Variants in PLCB1 observed in about 807,000 individuals in gnomAD.
The protein encoded by PLCB1 is 1-phosphatidylinositol 4,5-bisphosphate phosphodiesterase beta-1.
Under a neutral mutation model 161.8 loss-of-function variants are expected in PLCB1, and 46 were observed. That is an observed-to-expected ratio of 0.28 (90% confidence interval 0.22 to 0.36). PLCB1 has a LOEUF of 0.36. Among genes scored for constraint, PLCB1 ranks in the 10% least tolerant of loss-of-function variants. The pLI is 1.00. For synonymous variants in PLCB1, 517 were observed against 503.7 expected (o/e 1.03, Z -0.35); for missense variants, 1,016 against 1,472.5 (o/e 0.69, Z 5.07).
In PLCB1 at chr20:8,756,545, C is replaced by T. The variant is rs568692801; in HGVS notation, c.2524-501C>T. ...CCAGACCAGACTCATAGACTCAGCT[C>T]ATCTCAGCCGGGTTCACTCAAGTGT... On this transcript the variant is annotated intron_variant, in intron 23 of 31. Coordinates refer to ENST00000338037, the MANE Select transcript of PLCB1 (RefSeq NM_015192.4). Among the ~76,000 whole-genome samples the T allele has an allele frequency of 5.3e-5, 8 of 152,300 alleles. No homozygotes were observed. The South Asian group carries it at 1.5e-3, about 28-fold the overall frequency.
intron 28 of PLCB1, 32 bp from the exon 29 acceptor site, chr20:8,788,601 T>C (rs1306424190): frequency 6.3e-7 from 1 of 1,595,672 alleles, no homozygotes; most frequent in Admixed American, 1.7e-5. Flanking sequence ...GATTTGCCTC[T>C]TTTTTCTCTT....
At chr20:8,807,432 G>GA (rs1406888367) in intron 31 of PLCB1, among the ~76,000 whole-genome samples, 27 of 152,050 alleles carry the variant, frequency 1.8e-4, no homozygotes, top group Non-Finnish European at 3.1e-4. Flanking sequence ...TCTTGTCACG[G>GA]AAAAAATGAA....
intron 3 of PLCB1, among the ~76,000 whole-genome samples, chr20:8,461,414 TA>T (rs774055920): frequency 2.0e-5 from 3 of 152,174 alleles, no homozygotes; most frequent in Non-Finnish European, 4.4e-5. Context: ...TTAATCCCTC[TA>T]AGCATCAATT....
At chr20:8,643,679 G>A (rs1001446133) in intron 4 of PLCB1, among the ~76,000 whole-genome samples, 2 of 151,926 alleles carry the variant, frequency 1.3e-5, no homozygotes, top group Admixed American at 6.6e-5. Context: ...CACGAGGTCG[G>A]GAGATCGAGA....
chr20:8,313,748 C>A (rs971905631), intron 2 of PLCB1, among the ~76,000 whole-genome samples: 2 of 151,168 alleles, frequency 1.3e-5, no homozygotes, highest in East Asian at 3.9e-4. Context: ...TGACCTTTCT[C>A]ATTTTGAACA....
At position 8,577,195 on chromosome 20, in the gene PLCB1, T is replaced by C. The variant is rs541477954; in HGVS notation, c.247-51099T>C. On this transcript the variant is annotated intron_variant, in intron 3 of 31. Transcript: ENST00000338037. ...CTGTAATCCCAGCACTTTGGGAGGC[T>C]GAGGCGGGCGGATCACGAGGTTGGG... Among the ~76,000 whole-genome samples, 8 of 151,748 alleles carry C rather than the reference T, an allele frequency of 5.3e-5. No homozygotes were observed. In the East Asian group the frequency reaches 9.7e-4, roughly 18 times the overall value.
intron 31 of PLCB1, among the ~76,000 whole-genome samples, chr20:8,800,727 C>T (rs1480015382): frequency 9.3e-6 from 1 of 107,230 alleles, no homozygotes; most frequent in Non-Finnish European, 2.3e-5. Flanking sequence ...AAGAAAAAAG[C>T]TTACTCTTAG....
At chr20:8,734,707 T>C (rs1362083707) in intron 19 of PLCB1, among the ~76,000 whole-genome samples, 1 of 152,170 alleles carries the variant, frequency 6.6e-6, no homozygotes, top group Non-Finnish European at 1.5e-5. Flanking sequence ...ATCAATTTTT[T>C]AGAATACATT....
intron 31 of PLCB1, among the ~76,000 whole-genome samples, chr20:8,828,389 A>G (rs1315921729): frequency 3.3e-5 from 5 of 152,248 alleles, no homozygotes; most frequent in African/African-American, 1.2e-4. Flanking sequence ...CTTGACAGCA[A>G]TGCCAATTAT....
chr20:8,226,799 T>G (rs1022921117), intron 2 of PLCB1, among the ~76,000 whole-genome samples: 3 of 151,872 alleles, frequency 2.0e-5, no homozygotes, highest in African/African-American at 7.3e-5. Flanking sequence ...GTGATTCTCC[T>G]GCATCAGCCT....
chr20:8,313,136 T>A (rs1430048057), intron 2 of PLCB1, among the ~76,000 whole-genome samples: 5 of 152,174 alleles, frequency 3.3e-5, no homozygotes, highest in African/African-American at 1.2e-4. Context: ...TTTTTTAATA[T>A]AATGGGATGC....
chr20:8,751,249 T>G (rs1456940065), intron 23 of PLCB1: 5 of 180,244 alleles, frequency 2.8e-5, no homozygotes, highest in Admixed American at 5.8e-5. Flanking sequence ...CGGCCGGAAC[T>G]GCACTCTTCA....
At chr20:8,784,456 G>A (rs4813872) in intron 27 of PLCB1, among the ~76,000 whole-genome samples, 7 of 151,892 alleles carry the variant, frequency 4.6e-5, no homozygotes, top group African/African-American at 1.5e-4. Flanking sequence ...CCAGCTATTC[G>A]GGAGGCTGAG....
At chr20:8,823,854 A>G (rs1000154675) in intron 31 of PLCB1, among the ~76,000 whole-genome samples, 4 of 151,946 alleles carry the variant, frequency 2.6e-5, no homozygotes, top group Non-Finnish European at 5.9e-5. Flanking sequence ...CACATTCTAA[A>G]TACCCTGGGA....
intron 3 of PLCB1, among the ~76,000 whole-genome samples, chr20:8,544,533 C>G (rs138079646): frequency 1.1e-4 from 16 of 152,320 alleles, no homozygotes; most frequent in Admixed American, 5.2e-4. Context: ...TTCCACATTG[C>G]TATGTGGGGG....
intron 3 of PLCB1, among the ~76,000 whole-genome samples, chr20:8,581,402 TGAACCTAG>T (rs1203708288): frequency 6.6e-6 from 1 of 152,114 alleles, no homozygotes; most frequent in Non-Finnish European, 1.5e-5. Context: ...AGGTGAAAAG[TGAACCTAG>T]GATGACATTT....
intron 2 of PLCB1, among the ~76,000 whole-genome samples, chr20:8,278,859 C>T (rs969678655): frequency 5.3e-5 from 8 of 152,030 alleles, no homozygotes; most frequent in African/African-American, 1.9e-4. Flanking sequence ...TTCTCCTCCA[C>T]CCTAGGAAAC....
chr20:8,173,232 G>A (rs746303435), intron 2 of PLCB1, among the ~76,000 whole-genome samples: 1 of 152,154 alleles, frequency 6.6e-6, no homozygotes, highest in Non-Finnish European at 1.5e-5. Flanking sequence ...CACTGAGACT[G>A]CTGAGTGACA....
chr20:8,344,282 C>T (rs1229513850), intron 2 of PLCB1, among the ~76,000 whole-genome samples: 1 of 152,296 alleles, frequency 6.6e-6, no homozygotes, highest in South Asian at 2.1e-4. Flanking sequence ...CTAACCAACC[C>T]GAGAGATGGA....
Sources: allele counts gnomAD v4.1 joint callset (sites outside exome capture counted in the v4.1 genomes callset), GRCh38; gene constraint gnomAD v4.1.1; transcripts MANE v1.5; gene names NCBI Gene and HGNC (gene_info 2026-07-23, HGNC 2026-07-21).